The following CNTNAP3 variants were observed in gnomAD, a reference collection of about 807,000 sequenced individuals.
CNTNAP3 encodes contactin associated protein family member 3, also known as contactin-associated protein-like 3.
Under a neutral mutation model 92.1 loss-of-function variants are expected in CNTNAP3, and 36 were observed. That is an observed-to-expected ratio of 0.39 (90% CI 0.30 to 0.52). CNTNAP3 has a LOEUF of 0.52. Among genes scored for constraint, CNTNAP3 ranks in the 20% least tolerant of loss-of-function variants. The pLI is 0.76. For synonymous variants in CNTNAP3, 232 were observed against 422.3 expected, an observed-to-expected ratio of 0.55 and a Z score of 5.53; for missense variants, 534 against 1,069.6, an observed-to-expected ratio of 0.50 and a Z score of 6.98.
At chr9:39,153,761 G>A (rs1244977162) in intron 9 of CNTNAP3, among the ~76,000 whole-genome samples, 1 of 95,404 alleles carries the variant, frequency 1.0e-5, no homozygotes, top group African/African-American at 4.5e-5. Flanking sequence ...GTTGCACCAT[G>A]TTGGCCAGGC....
intron 14 of CNTNAP3, among the ~76,000 whole-genome samples, chr9:39,114,035 T>TACACACACACACACACAC (rs767827479): frequency 7.1e-6 from 1 of 141,478 alleles, no homozygotes; most frequent in African/African-American, 2.8e-5. Context: ...CACACATATA[T>TACACACACACACACACAC]ACACACACAC....
chr9:39,113,556 A>G lies in CNTNAP3; in HGVS notation c.2238-4269T>C, dbSNP rs1225033607. ...GATTTTCTATGTAGGCAATCATATT[A>G]TCTACAATATCTGCCAGGTTTGTTT... On this transcript the variant is annotated intron_variant, in intron 14 of 23. Transcript: ENST00000297668. Among the ~76,000 whole-genome samples the G allele has an allele frequency of 2.6e-5, 4 of 151,764 alleles. No homozygotes were observed. In the South Asian group the frequency reaches 8.3e-4, roughly 31 times the overall value.
chr9:39,179,286 T>TCCACACACACACACAC (rs1491209886), intron 4 of CNTNAP3, among the ~76,000 whole-genome samples: 1 of 80,724 alleles, frequency 1.2e-5, no homozygotes, highest in African/African-American at 5.7e-5. Flanking sequence ...TCTCTCTCTC[T>TCCACACACACACACAC]ACACACACAC....
intron 15 of CNTNAP3, among the ~76,000 whole-genome samples, chr9:39,105,246 T>C (rs1361764606): frequency 6.6e-6 from 1 of 152,124 alleles, no homozygotes; most frequent in South Asian, 2.1e-4. Context: ...GCTAACATGG[T>C]GAAACCCCGT....
intron 19 of CNTNAP3, among the ~76,000 whole-genome samples, chr9:39,087,406 C>A (rs1826085029): frequency 6.6e-6 from 1 of 152,264 alleles, no homozygotes; most frequent in Non-Finnish European, 1.5e-5. Context: ...AATATACATA[C>A]CCCTCTCCTA....
intron 14 of CNTNAP3, among the ~76,000 whole-genome samples, chr9:39,112,922 C>A (rs1282886508): frequency 1.3e-5 from 2 of 152,080 alleles, no homozygotes; most frequent in Non-Finnish European, 1.5e-5. Flanking sequence ...AATTTTAAAA[C>A]CAGGTTGCTG....
At chr9:39,099,310 A>T (rs1473811910) in intron 18 of CNTNAP3, among the ~76,000 whole-genome samples, 1 of 152,108 alleles carries the variant, frequency 6.6e-6, no homozygotes. Flanking sequence ...ACCCCACTGC[A>T]CTCCTCTAAG....
At chr9:39,102,888 A>C (rs1423442242) in intron 16 of CNTNAP3, among the ~76,000 whole-genome samples, 173 bp from the exon 17 acceptor site, 2 of 152,148 alleles carry the variant, frequency 1.3e-5, no homozygotes, top group East Asian at 3.8e-4. Context: ...TCCTGGAGGA[A>C]AACAGAACGG....
At chr9:39,159,588 T>A (rs1822036428) in intron 9 of CNTNAP3, 1 of 140,342 alleles carries the variant, frequency 7.1e-6, no homozygotes, top group South Asian at 2.2e-4. Flanking sequence ...GGCCTCAGCC[T>A]CCCAGAGTGC....
intron 12 of CNTNAP3, among the ~76,000 whole-genome samples, chr9:39,136,122 C>T (rs1587726236): frequency 7.0e-6 from 1 of 142,610 alleles, no homozygotes; most frequent in African/African-American, 2.8e-5. Context: ...GAGCAAGCCT[C>T]TGTCTCAAAA....
At chr9:39,162,069 A>C (rs1822087844) in intron 9 of CNTNAP3, among the ~76,000 whole-genome samples, 1 of 115,306 alleles carries the variant, frequency 8.7e-6, no homozygotes, top group East Asian at 2.3e-4. Flanking sequence ...AACCTACTGG[A>C]AGAAAATATT....
chr9:39,089,046 T>G (rs1231300949), intron 18 of CNTNAP3, among the ~76,000 whole-genome samples: 2 of 152,324 alleles, frequency 1.3e-5, no homozygotes, highest in South Asian at 2.1e-4. Flanking sequence ...ATATGCCATG[T>G]AATAGACCCA....
chr9:39,125,364 G>T (rs1050962599), intron 13 of CNTNAP3, among the ~76,000 whole-genome samples: 2 of 152,020 alleles, frequency 1.3e-5, no homozygotes, highest in African/African-American at 2.4e-5. Context: ...GTCATGGGGT[G>T]GGGGGAGAGG....
rs545755249 is a variant in CNTNAP3, at chr9:39,131,948, C to T, written c.2080+984G>A. On this transcript the variant is annotated intron_variant, in intron 13 of 23. Transcript: ENST00000297668. ...TCAGATGACAGTCATACACCACTTT[C>T]CAACTTAAAGATTTTGTATTGAAAA... is the stretch of plus-strand genomic sequence containing the variant. 2.6e-5 allele frequency among the ~76,000 whole-genome samples: 4 copies of T among 151,460 alleles called. No individual in the cohort carries two copies. The East Asian group carries it at 7.8e-4, about 30-fold the overall frequency.
chr9:39,113,374 T>C (rs1820756765), intron 14 of CNTNAP3, among the ~76,000 whole-genome samples: 1 of 152,208 alleles, frequency 6.6e-6, no homozygotes, highest in African/African-American at 2.4e-5. Flanking sequence ...GAACTTTACA[T>C]TTTTGTTAAT....
intron 13 of CNTNAP3, among the ~76,000 whole-genome samples, chr9:39,126,872 T>C (rs1821163470): frequency 6.6e-6 from 1 of 152,054 alleles, no homozygotes. Context: ...AGCAAGGATA[T>C]ACAAGATCTG....
intron 10 of CNTNAP3, among the ~76,000 whole-genome samples, chr9:39,146,920 C>T (rs1260456523): frequency 1.4e-4 from 21 of 152,070 alleles, no homozygotes; most frequent in Non-Finnish European, 1.8e-4. Flanking sequence ...GTGTCCCCAC[C>T]CAAATCTCAT....
rs369973673 is a variant in CNTNAP3 at position 39,109,109 on chromosome 9, T to C, written c.2365+51A>G. The C allele has an allele frequency of 1.1e-5, 17 of 1,583,916 alleles. No individual in the cohort carries two copies. The African/African-American group carries it at 2.2e-4, about 20-fold the overall frequency. On this transcript the variant is annotated intron_variant, in intron 15 of 23. Coordinates refer to ENST00000297668, the MANE Select transcript of CNTNAP3 (RefSeq NM_033655.5). ...ACAAGGGCATTTGTCTACTCTTTTATAACCAAAAAAAGTTATTATGAAAAT... is the reference window on the plus strand; with the variant it reads ...ACAAGGGCATTTGTCTACTCTTTTACAACCAAAAAAAGTTATTATGAAAAT...
chr9:39,134,565 C>T (rs1025616279), intron 12 of CNTNAP3, among the ~76,000 whole-genome samples: 1 of 152,072 alleles, frequency 6.6e-6, no homozygotes, highest in African/African-American at 2.4e-5. Context: ...GCTGGGACTA[C>T]AGGCACACAC....
Sources: gnomAD v4.1 joint callset for allele counts (sites outside exome capture counted in the v4.1 genomes callset) on GRCh38, gnomAD v4.1.1 for gene constraint, MANE v1.5 for transcripts, NCBI Gene and HGNC (gene_info 2026-07-23, HGNC 2026-07-21) for gene names.